Variants in ATRNL1 observed in about 807,000 individuals in gnomAD.
The protein encoded by ATRNL1 is attractin like 1.
In ATRNL1, 95 loss-of-function variants were observed where a neutral mutation model predicts 182.7. The ratio of observed to expected loss-of-function variants is 0.52; its 90% CI spans 0.44 to 0.62. ATRNL1 has a LOEUF of 0.62. Among genes scored for constraint, ATRNL1 ranks in the 20% least tolerant of loss-of-function variants. The pLI is 0.00. For missense variants in ATRNL1, 1,471 were observed against 1,679.5 expected (o/e 0.88, Z 2.17); for synonymous variants, 576 against 568.3 (o/e 1.01, Z -0.19).
rs540874771 is a variant in ATRNL1 at position 115,800,463 on chromosome 10, A to G, written c.3904-47414A>G. 1.1e-3 allele frequency among the ~76,000 whole-genome samples: 167 copies of G among 152,262 alleles called. 2 individuals carry two copies. The highest frequency in any genetic ancestry group is 2.1e-4 in the Non-Finnish European group (14 of 68,012). Reference sequence around the variant, plus strand: ...AACAGAAAGAGAAGGGGAGAAAGATATGTTTGACAGAAAAGTAAATGAAGT... The same window carrying G: ...AACAGAAAGAGAAGGGGAGAAAGATGTGTTTGACAGAAAAGTAAATGAAGT... On this transcript the variant is annotated intron_variant, in intron 27 of 28. Transcript: ENST00000355044.
Position 115,924,856 on chromosome 10 carries a change from A to G in ATRNL1, c.4019-19802A>G, listed in dbSNP as rs528213446. Reference sequence around the variant, plus strand: ...TTTGGGCAGTATGGCCATTTTCACGATATTGATTCTTCCTATCCATGAACA... The same window carrying G: ...TTTGGGCAGTATGGCCATTTTCACGGTATTGATTCTTCCTATCCATGAACA... On this transcript the variant is annotated intron_variant, in intron 28 of 28. Transcript: ENST00000355044. Among the ~76,000 whole-genome samples the G allele has an allele frequency of 2.2e-4, 34 of 152,264 alleles. 2 individuals are homozygous for G. The South Asian group carries it at 7.1e-3, about 32-fold the overall frequency.
chr10:115,367,698 G>A (rs1324123982), intron 19 of ATRNL1, among the ~76,000 whole-genome samples: 2 of 124,784 alleles, frequency 1.6e-5, no homozygotes, highest in East Asian at 4.0e-4. Flanking sequence ...TGGGTTTTTG[G>A]TGTGGATGTC....
At chr10:115,891,498 C>T (rs1297893580) in intron 28 of ATRNL1, among the ~76,000 whole-genome samples, 2 of 152,136 alleles carry the variant, frequency 1.3e-5, no homozygotes, top group Non-Finnish European at 2.9e-5. Context: ...TTATATTGTG[C>T]ATATATAATG....
intron 28 of ATRNL1, among the ~76,000 whole-genome samples, chr10:115,864,271 GAA>G (rs527752228): frequency 5.6e-5 from 5 of 89,276 alleles, no homozygotes; most frequent in Non-Finnish European, 5.0e-5. Context: ...AGTGTCACAA[GAA>G]AAAAAAAAAA....
At position 115,452,126 on chromosome 10, in the gene ATRNL1, C is replaced by T. The variant is rs750638274; in HGVS notation, c.3323-9815C>T. Among the ~76,000 whole-genome samples, 48 of 152,034 alleles carry T rather than the reference C, an allele frequency of 3.2e-4. No individual in the cohort carries two copies. In the Middle Eastern group the frequency reaches 0.01, roughly 32 times the overall value. The stretch of plus-strand genomic sequence containing the variant: ...CTACTTGAGTGTGGAGAATGGGAAG[C>T]GGGAGAGACAGCTATTGGATACTGG... On this transcript the variant is annotated intron_variant, in intron 21 of 28. Coordinates refer to ENST00000355044, the MANE Select transcript of ATRNL1 (RefSeq NM_207303.4).
chr10:115,561,830 G>A (rs148800150), intron 26 of ATRNL1, among the ~76,000 whole-genome samples: 16 of 152,022 alleles, frequency 1.1e-4, no homozygotes, highest in African/African-American at 2.9e-4. Context: ...GCTTGTGATC[G>A]ATAATAATGT....
At chr10:115,346,092 T>G (rs181199052) in intron 19 of ATRNL1, among the ~76,000 whole-genome samples, 5 of 152,330 alleles carry the variant, frequency 3.3e-5, no homozygotes, top group Non-Finnish European at 5.9e-5. Flanking sequence ...TTCTTAAATT[T>G]TGGAAAAATA....
intron 25 of ATRNL1, among the ~76,000 whole-genome samples, chr10:115,520,162 G>T (rs1457055212): frequency 1.3e-5 from 2 of 152,120 alleles, no homozygotes; most frequent in Non-Finnish European, 2.9e-5. Context: ...TGGAAATAGT[G>T]CAGTATGAAT....
At chr10:115,719,202 T>G (rs1377064068) in intron 26 of ATRNL1, among the ~76,000 whole-genome samples, 2 of 152,234 alleles carry the variant, frequency 1.3e-5, no homozygotes, top group Non-Finnish European at 2.9e-5. Context: ...CTTCCAGTCC[T>G]TAATGGAGTT....
intron 21 of ATRNL1, among the ~76,000 whole-genome samples, chr10:115,441,369 A>G (rs1296643800): frequency 6.6e-6 from 1 of 151,774 alleles, no homozygotes; most frequent in African/African-American, 2.4e-5. Flanking sequence ...CTTACCACCC[A>G]TTTCCTCTTC....
At chr10:115,795,837 ACT>A (rs1220815319) in intron 27 of ATRNL1, among the ~76,000 whole-genome samples, 4 of 152,010 alleles carry the variant, frequency 2.6e-5, no homozygotes, top group African/African-American at 9.7e-5. Flanking sequence ...CACCTTCAAC[ACT>A]CGGGATCACA....
intron 17 of ATRNL1, among the ~76,000 whole-genome samples, chr10:115,315,245 C>G (rs1854237803): frequency 6.6e-6 from 1 of 152,076 alleles, no homozygotes; most frequent in South Asian, 2.1e-4. Flanking sequence ...TTTCAGGGGT[C>G]TTCAATTACT....
chr10:115,620,353 C>T (rs782058081), intron 26 of ATRNL1, among the ~76,000 whole-genome samples: 12 of 152,152 alleles, frequency 7.9e-5, no homozygotes, highest in Non-Finnish European at 1.6e-4. Flanking sequence ...CCACCCCCAA[C>T]ACTGGAAAAT....
chr10:115,596,550 A>G (rs2769391), intron 26 of ATRNL1, among the ~76,000 whole-genome samples: 72,452 of 152,084 alleles, frequency 0.48, 18,730 homozygotes, highest in East Asian at 0.84. Context: ...GGAAAGGAAG[A>G]TCTTTGTGCT....
chr10:115,631,505 C>T (rs562244557), intron 26 of ATRNL1, among the ~76,000 whole-genome samples: 2 of 152,072 alleles, frequency 1.3e-5, no homozygotes, highest in East Asian at 3.9e-4. Flanking sequence ...AATATGTTTT[C>T]TAGGTTTCAC....
chr10:115,221,294 AT>A (rs1554897388), intron 9 of ATRNL1, among the ~76,000 whole-genome samples: 1 of 152,202 alleles, frequency 6.6e-6, no homozygotes, highest in Non-Finnish European at 1.5e-5. Context: ...GGATGTCACC[AT>A]TATGTGTCCA....
intron 26 of ATRNL1, among the ~76,000 whole-genome samples, chr10:115,554,030 A>T (rs1046958867): frequency 6.6e-6 from 1 of 151,692 alleles, no homozygotes; most frequent in East Asian, 1.9e-4. Context: ...AATTCAAATT[A>T]ACTGATAAGG....
chr10:115,448,705 C>CA (rs370934991), intron 21 of ATRNL1, among the ~76,000 whole-genome samples: 2,685 of 142,544 alleles, frequency 0.019, 35 homozygotes, highest in African/African-American at 0.039. Flanking sequence ...AAGACGCACA[C>CA]AAAAAAAAAA....
intron 19 of ATRNL1, among the ~76,000 whole-genome samples, chr10:115,336,224 T>C (rs1314240453): frequency 2.0e-5 from 3 of 152,154 alleles, no homozygotes. Flanking sequence ...CTCTTAACTG[T>C]TAATGCAGGA....
Sources: gnomAD v4.1 joint callset for allele counts (sites outside exome capture counted in the v4.1 genomes callset) on GRCh38, gnomAD v4.1.1 for gene constraint, MANE v1.5 for transcripts, NCBI Gene and HGNC (gene_info 2026-07-23, HGNC 2026-07-21) for gene names.